ZCCHC10: variants seen among roughly 807,000 people sequenced by gnomAD.
ZCCHC10 encodes the protein zinc finger CCHC-type containing 10.
A neutral mutation model predicts 19.5 loss-of-function variants in ZCCHC10; 16 were observed. That is an observed-to-expected ratio of 0.82 (90% CI 0.56 to 1.25). ZCCHC10 has a LOEUF of 1.25. Ranked by LOEUF, ZCCHC10 falls within the 50% of genes most tolerant of loss-of-function variation. The probability of loss-of-function intolerance (pLI) is 0.00; values close to 1 mark genes in which losing one functional copy is unlikely to be tolerated. For missense variants in ZCCHC10, 197 were observed against 201.0 expected, an observed-to-expected ratio of 0.98 and a Z score of 0.12; for synonymous variants, 67 against 72.5, an observed-to-expected ratio of 0.92 and a Z score of 0.38.
chr5:133,012,445 G>T (rs1425820082), intron 2 of ZCCHC10, among the ~76,000 whole-genome samples: 4 of 149,862 alleles, frequency 2.7e-5, no homozygotes, highest in African/African-American at 7.4e-5. Context: ...TCCAGCCTAG[G>T]CAACAGAGTG....
At chr5:133,011,183 C>T (rs1763499597) in intron 2 of ZCCHC10, among the ~76,000 whole-genome samples, 1 of 152,024 alleles carries the variant, frequency 6.6e-6, no homozygotes, top group Non-Finnish European at 1.5e-5. Flanking sequence ...AACTCCTGGG[C>T]TCAAGCAATC....
At chr5:133,018,687 C>T (rs1020105926) in intron 2 of ZCCHC10, among the ~76,000 whole-genome samples, 3 of 152,116 alleles carry the variant, frequency 2.0e-5, no homozygotes, top group Non-Finnish European at 4.4e-5. Context: ...GGATTACAGG[C>T]GTGAGCCACC....
intron 2 of ZCCHC10, among the ~76,000 whole-genome samples, chr5:133,015,078 T>C (rs933899615): frequency 6.1e-5 from 4 of 66,066 alleles, no homozygotes; most frequent in African/African-American, 1.2e-4. Flanking sequence ...CACTGTGAGG[T>C]TTTTTTTTTT....
chr5:133,013,866 C>A (rs746309208), intron 2 of ZCCHC10, among the ~76,000 whole-genome samples: 5 of 151,790 alleles, frequency 3.3e-5, no homozygotes, highest in Non-Finnish European at 5.9e-5. Context: ...TATGGCCCAG[C>A]AATTCTACTT....
rs1291996180 is a variant in ZCCHC10 at position 132,997,552 on chromosome 5, A to AC, written c.*1030_*1031insG. On this transcript the variant is annotated 3_prime_UTR_variant, in exon 5 of 5. Coordinates refer to ENST00000509437, the MANE Select transcript of ZCCHC10 (RefSeq NM_001300816.3). ...GCTAGATTTCAACTATGTATATCCTATGTAAACACACCAGATTAATCCTAG... is the reference window on the plus strand; with the variant it reads ...GCTAGATTTCAACTATGTATATCCTACTGTAAACACACCAGATTAATCCTAG... 2.0e-5 allele frequency: 3 copies of AC among 152,184 alleles called. No individual in the cohort carries two copies. Among genetic ancestry groups the AC allele is most frequent in the Non-Finnish European group, 2.9e-5 (2 of 68,020 alleles). The allele number at this position is 152,184 out of a possible 1,614,324, so 9.4% of individuals were successfully genotyped here.
chr5:133,007,723 G>A (rs1561540001), intron 2 of ZCCHC10, among the ~76,000 whole-genome samples: 1 of 152,102 alleles, frequency 6.6e-6, no homozygotes, highest in East Asian at 1.9e-4. Flanking sequence ...AAATTGCCCA[G>A]TCTTGGGTAT....
intron 1 of ZCCHC10, among the ~76,000 whole-genome samples, chr5:133,023,227 T>C (rs1050804484): frequency 6.6e-6 from 1 of 151,852 alleles, no homozygotes; most frequent in Non-Finnish European, 1.5e-5. Flanking sequence ...GAAGAAGGAG[T>C]AGTGGAATCT....
chr5:133,019,179 G>C (rs1764125298), intron 2 of ZCCHC10: 1 of 406,602 alleles, frequency 2.5e-6, no homozygotes, highest in Non-Finnish European at 4.8e-6. Flanking sequence ...TCAGGAGTTT[G>C]AGACCAGCCT....
chr5:133,010,930 T>G (rs1330117311), intron 2 of ZCCHC10, among the ~76,000 whole-genome samples: 2 of 152,024 alleles, frequency 1.3e-5, no homozygotes, highest in Non-Finnish European at 2.9e-5. Context: ...TAGCTGGGAT[T>G]ACAGGCGCCT....
chr5:133,012,911 C>T (rs1028769264), intron 2 of ZCCHC10, among the ~76,000 whole-genome samples: 2 of 151,674 alleles, frequency 1.3e-5, no homozygotes, highest in South Asian at 2.1e-4. Context: ...ATTAGCCGGG[C>T]GCAGTGGCGG....
intron 3 of ZCCHC10, among the ~76,000 whole-genome samples, chr5:133,001,144 T>C (rs1010493858): frequency 6.6e-6 from 1 of 151,576 alleles, no homozygotes; most frequent in Non-Finnish European, 1.5e-5. Context: ...TCCCAGCAGT[T>C]TGGGAGGCCG....
At chr5:133,023,046 G>T (rs1005305492) in intron 1 of ZCCHC10, 140 bp from the exon 2 acceptor site, 2 of 397,078 alleles carry the variant, frequency 5.0e-6, no homozygotes, top group African/African-American at 4.1e-5. Context: ...TCATAGCAAG[G>T]TTCAAAAACA....
chr5:133,014,940 A>T (rs1344495633), intron 2 of ZCCHC10, among the ~76,000 whole-genome samples: 2 of 152,342 alleles, frequency 1.3e-5, no homozygotes, highest in Non-Finnish European at 1.5e-5. Context: ...CTTTGGCAGG[A>T]ATAAAACAGA....
At chr5:133,021,743 T>A (rs7706495) in intron 2 of ZCCHC10, among the ~76,000 whole-genome samples, 52,438 of 151,854 alleles carry the variant, frequency 0.35, 10,370 homozygotes, top group African/African-American at 0.55. Flanking sequence ...AAATTTATAA[T>A]TTTTTTAAAT....
intron 4 of ZCCHC10, 46 bp from the exon 5 acceptor site, chr5:132,998,896 T>C: frequency 1.3e-6 from 2 of 1,582,608 alleles, no homozygotes; most frequent in South Asian, 1.2e-5. Flanking sequence ...TGACATGTAA[T>C]AGAATGTTAA....
intron 4 of ZCCHC10, 39 bp from the exon 5 acceptor site, chr5:132,998,889 C>A: frequency 8.2e-6 from 13 of 1,588,358 alleles, no homozygotes; most frequent in Non-Finnish European, 1.1e-5. Context: ...GGGAAGGTGA[C>A]ATGTAATAGA....
intron 3 of ZCCHC10, among the ~76,000 whole-genome samples, chr5:133,004,161 TTTC>T (rs1233253606): frequency 6.6e-6 from 1 of 152,064 alleles, no homozygotes; most frequent in African/African-American, 2.4e-5. Context: ...TTGGGAATTA[TTTC>T]TTATTTTTAA....
chr5:133,019,590 C>T (rs959126540), intron 2 of ZCCHC10, among the ~76,000 whole-genome samples: 4 of 151,820 alleles, frequency 2.6e-5, no homozygotes, highest in Admixed American at 2.0e-4. Context: ...AAATGGACAC[C>T]GCTGGTAAGA....
chr5:133,014,742 C>T (rs945844130), intron 2 of ZCCHC10, among the ~76,000 whole-genome samples: 8 of 152,212 alleles, frequency 5.3e-5, no homozygotes, highest in Non-Finnish European at 1.2e-4. Flanking sequence ...GCCATGTTGG[C>T]CTTTCCACAG....
Sources: gnomAD v4.1 joint callset for allele counts (sites outside exome capture counted in the v4.1 genomes callset) on GRCh38, gnomAD v4.1.1 for gene constraint, MANE v1.5 for transcripts, NCBI Gene and HGNC (gene_info 2026-07-23, HGNC 2026-07-21) for gene names.